IL21R: variants seen among roughly 807,000 people sequenced by gnomAD.
The protein encoded by IL21R is interleukin 21 receptor, also known as interleukin-21 receptor.
In IL21R, 14 loss-of-function variants were observed where a neutral mutation model predicts 41.3. That is an observed-to-expected ratio of 0.34 (90% CI 0.22 to 0.53). The LOEUF (loss-of-function observed/expected upper bound fraction) is 0.53. Among genes scored for constraint, IL21R ranks in the 20% least tolerant of loss-of-function variants. IL21R has a pLI of 0.94. For synonymous variants in IL21R, 286 were observed against 287.6 expected (o/e 0.99, Z 0.05); for missense variants, 588 against 681.6 (o/e 0.86, Z 1.53).
chr16:27,449,200 G>A lies in IL21R; in HGVS notation c.1534G>A (p.Asp512Asn), dbSNP rs267604484. Residue 512 changes from aspartate to asparagine, a missense_variant, in exon 9 of 9, where the codon GAC becomes AAC. Transcript: ENST00000337929. ...GGAGTGTGACTTCACCAGCCCCGGGGACGAAGGACCCCCCCGGAGCTACCT... is the reference window on the plus strand; with the variant it reads ...GGAGTGTGACTTCACCAGCCCCGGGAACGAAGGACCCCCCCGGAGCTACCT... ...PVECDFTSPG[D>N]EGPPRSYLRQ... The A allele has an allele frequency of 6.2e-7, 1 of 1,612,960 alleles. No individual in the cohort carries two copies. The highest frequency in any genetic ancestry group is 1.1e-5 in the South Asian group (1 of 91,076).
At chr16:27,414,061 T>C (rs2086858872) in intron 1 of IL21R, among the ~76,000 whole-genome samples, 2 of 151,984 alleles carry the variant, frequency 1.3e-5, no homozygotes, top group South Asian at 4.1e-4. Context: ...CATTGCCTTA[T>C]TATGTTAATT....
chr16:27,436,121 G>A (rs1056554747), intron 3 of IL21R, among the ~76,000 whole-genome samples: 3 of 152,134 alleles, frequency 2.0e-5, no homozygotes, highest in African/African-American at 4.8e-5. Flanking sequence ...CCACTCTCTC[G>A]CCCACACAGG....
chr16:27,426,474 C>A (rs2087080135), intron 1 of IL21R, among the ~76,000 whole-genome samples: 1 of 152,164 alleles, frequency 6.6e-6, no homozygotes, highest in South Asian at 2.1e-4. Context: ...AGCACATGGA[C>A]CATGAAAGTT....
At chr16:27,410,208 T>G (rs973093708) in intron 1 of IL21R, among the ~76,000 whole-genome samples, 8 of 150,438 alleles carry the variant, frequency 5.3e-5, no homozygotes, top group African/African-American at 1.9e-4. Flanking sequence ...TGGTGGTGCA[T>G]GCTTGTAATC....
chr16:27,418,897 A>G (rs1416730620), intron 1 of IL21R, among the ~76,000 whole-genome samples: 2 of 93,538 alleles, frequency 2.1e-5, no homozygotes, highest in Non-Finnish European at 4.3e-5. Context: ...TTATTTTTTT[A>G]CTTAAAAAAA....
intron 4 of IL21R, among the ~76,000 whole-genome samples, chr16:27,438,001 C>A (rs1357183385): frequency 2.0e-5 from 3 of 152,170 alleles, no homozygotes; most frequent in Admixed American, 1.3e-4. Context: ...TCCATCAGAT[C>A]TGACCTGGCC....
At chr16:27,438,269 G>A (rs1001780010) in intron 4 of IL21R, among the ~76,000 whole-genome samples, 87 of 151,880 alleles carry the variant, frequency 5.7e-4, no homozygotes, top group African/African-American at 1.9e-3. Context: ...ATAATGAGGC[G>A]AATGGACGAC....
At chr16:27,419,310 T>C (rs1004742912) in intron 1 of IL21R, among the ~76,000 whole-genome samples, 9 of 152,168 alleles carry the variant, frequency 5.9e-5, no homozygotes, top group African/African-American at 2.2e-4. Context: ...ACCTCCACAT[T>C]TTGTCCCACT....
At chr16:27,424,736 G>T (rs2087048241) in intron 1 of IL21R, among the ~76,000 whole-genome samples, 1 of 152,200 alleles carries the variant, frequency 6.6e-6, no homozygotes, top group Non-Finnish European at 1.5e-5. Flanking sequence ...GAGGTTGGGT[G>T]CTGCAGCGGT....
At position 27,437,559 on chromosome 16, in the gene IL21R, C is replaced by A. The variant is rs747751606; in HGVS notation, c.224C>A (p.Thr75Lys). The A allele has an allele frequency of 2.5e-6, 4 of 1,614,208 alleles. No individual in the cohort carries two copies. In the South Asian group the frequency reaches 4.4e-5, roughly 18 times the overall value. Residue 75 changes from threonine to lysine, a missense_variant, in exon 4 of 9, where the codon ACG (threonine) becomes AAG (lysine). Transcript: ENST00000337929. ...CTCCACAGGTCGGCCCACAATGCCA[C>A]GCATGCCACCTACACCTGCCACATG... ...CSLHRSAHNA[T>K]HATYTCHMDV...
chr16:27,444,779 C>A, intron 6 of IL21R, 60 bp downstream of exon 6: 2 of 1,412,968 alleles, frequency 1.4e-6, no homozygotes, highest in Non-Finnish European at 1.9e-6. Flanking sequence ...CCTGTTCTAG[C>A]CACCCTAAGC....
At chr16:27,431,354 T>C (rs569361360) in intron 2 of IL21R, among the ~76,000 whole-genome samples, 7 of 152,260 alleles carry the variant, frequency 4.6e-5, no homozygotes, top group African/African-American at 9.6e-5. Flanking sequence ...GCTCGGAGCG[T>C]CATCCCATTC....
rs534904028 is a variant in IL21R at position 27,405,330 on chromosome 16, G to A, written c.-17+2712G>A. Among the ~76,000 whole-genome samples, 5 of 152,078 alleles carry A rather than the reference G, an allele frequency of 3.3e-5. No homozygotes were observed. The South Asian group carries it at 1.0e-3, about 32-fold the overall frequency. On this transcript the variant is annotated intron_variant, in intron 1 of 8. Coordinates refer to ENST00000337929, the MANE Select transcript of IL21R (RefSeq NM_181078.3). ...TTATAGACATGAGCCACCGTGACCG[G>A]CCTATGTTTTACTTTAAATATGTAA... is the stretch of plus-strand genomic sequence containing the variant.
chr16:27,434,242 G>A, intron 2 of IL21R, 105 bp from the exon 3 acceptor site: 1 of 725,880 alleles, frequency 1.4e-6, no homozygotes, highest in South Asian at 1.6e-5. Flanking sequence ...CCCGGCCTGG[G>A]GACCCCTGCA....
chr16:27,423,147 C>T (rs1284129015), intron 1 of IL21R, among the ~76,000 whole-genome samples: 2 of 151,924 alleles, frequency 1.3e-5, no homozygotes, highest in Non-Finnish European at 2.9e-5. Context: ...TGACTTTGCA[C>T]ATGATTTGAG....
chr16:27,420,697 A>G (rs1306544468), intron 1 of IL21R, among the ~76,000 whole-genome samples: 2 of 152,206 alleles, frequency 1.3e-5, no homozygotes, highest in African/African-American at 2.4e-5. Flanking sequence ...TGCATATTCT[A>G]AATACCAGAC....
At chr16:27,444,074 T>C (rs977686886) in intron 5 of IL21R, 2 of 151,988 alleles carry the variant, frequency 1.3e-5, no homozygotes, top group Admixed American at 1.3e-4. Context: ...GTTCTAGAAA[T>C]GCCTGCTGTT....
Position 27,449,173 on chromosome 16 carries a change from G to A in IL21R, c.1507G>A (p.Val503Met). The A allele has an allele frequency of 6.2e-7, 1 of 1,613,136 alleles. No individual in the cohort carries two copies. Among genetic ancestry groups the A allele is most frequent in the East Asian group, 2.2e-5 (1 of 44,864 alleles). Residue 503 changes from valine to methionine, a missense_variant, in exon 9 of 9, where the codon GTG (valine) becomes ATG (methionine). Coordinates refer to ENST00000337929, the MANE Select transcript of IL21R (RefSeq NM_181078.3). ...TGTGGGCTCTGACTGCAGCAGCCCT[G>A]TGGAGTGTGACTTCACCAGCCCCGG... ...GFVGSDCSSP[V>M]ECDFTSPGDE...
rs138709846 is a variant in IL21R at position 27,416,138 on chromosome 16, A to G, written c.-17+13520A>G. ...TAGTAATTCACTTATTTATTTATTT[A>G]TTTTGATACAGAGTCTCACTTTCTC... On this transcript the variant is annotated intron_variant, in intron 1 of 8. Transcript: ENST00000337929. 5.5e-3 allele frequency among the ~76,000 whole-genome samples: 841 copies of G among 152,230 alleles called. 7 individuals carry two copies. The highest frequency in any genetic ancestry group is 0.019 in the African/African-American group (797 of 41,538).
Sources: gnomAD v4.1 joint callset for allele counts (sites outside exome capture counted in the v4.1 genomes callset) on GRCh38, gnomAD v4.1.1 for gene constraint, MANE v1.5 for transcripts, NCBI Gene and HGNC (gene_info 2026-07-23, HGNC 2026-07-21) for gene names.